Variants in RPA1 observed in about 807,000 individuals in gnomAD.
RPA1 encodes the protein replication protein A1.
Under a neutral mutation model 83.0 loss-of-function variants are expected in RPA1, and 49 were observed. That is an observed-to-expected ratio of 0.59 (90% CI 0.47 to 0.75). RPA1 has a LOEUF of 0.75. Among genes scored for constraint, RPA1 ranks in the 30% least tolerant of loss-of-function variants. The pLI is 0.00. For synonymous variants in RPA1, 279 were observed against 281.8 expected (o/e 0.99, Z 0.10); for missense variants, 693 against 776.1 (o/e 0.89, Z 1.27).
chr17:1,844,263 C>T (rs1000659911), intron 3 of RPA1, among the ~76,000 whole-genome samples: 20 of 152,096 alleles, frequency 1.3e-4, no homozygotes, highest in Admixed American at 2.6e-4. Context: ...ATATTGACAT[C>T]GACTGAGTGC....
At chr17:1,838,894 A>G (rs1911931022) in intron 1 of RPA1, among the ~76,000 whole-genome samples, 1 of 152,146 alleles carries the variant, frequency 6.6e-6, no homozygotes, top group Non-Finnish European at 1.5e-5. Context: ...TCTGTCACCC[A>G]GGCTGGAGTG....
intron 16 of RPA1, among the ~76,000 whole-genome samples, chr17:1,896,806 A>G (rs1047766217): frequency 2.6e-5 from 4 of 152,216 alleles, no homozygotes; most frequent in African/African-American, 9.6e-5. Context: ...GAAACCCTCT[A>G]AAGTCCATCT....
At chr17:1,849,705 T>C (rs1912409049) in intron 4 of RPA1, among the ~76,000 whole-genome samples, 1 of 152,080 alleles carries the variant, frequency 6.6e-6, no homozygotes, top group Non-Finnish European at 1.5e-5. Context: ...CTGATTTTCA[T>C]GGAAATGCTT....
intron 14 of RPA1, among the ~76,000 whole-genome samples, chr17:1,890,458 C>T (rs567248879): frequency 3.3e-5 from 5 of 152,140 alleles, no homozygotes; most frequent in South Asian, 4.1e-4. Flanking sequence ...GTCAGGAGAT[C>T]GAGATCATCT....
At chr17:1,890,742 A>G (rs1465754356) in intron 14 of RPA1, among the ~76,000 whole-genome samples, 2 of 152,240 alleles carry the variant, frequency 1.3e-5, no homozygotes, top group Non-Finnish European at 2.9e-5. Context: ...GTTTAGGCTC[A>G]TTTTTTGTAA....
chr17:1,855,256 G>A (rs989775963), intron 5 of RPA1, among the ~76,000 whole-genome samples: 2 of 151,966 alleles, frequency 1.3e-5, no homozygotes, highest in African/African-American at 4.8e-5. Context: ...TCCGCCTCCC[G>A]GGTTCAAGTG....
intron 7 of RPA1, among the ~76,000 whole-genome samples, chr17:1,876,283 G>A (rs918710988): frequency 3.3e-5 from 5 of 152,254 alleles, no homozygotes; most frequent in Admixed American, 6.5e-5. Flanking sequence ...AGCCGGGCGC[G>A]GTGGCTCATG....
chr17:1,869,162 G>A (rs12150345), intron 5 of RPA1, among the ~76,000 whole-genome samples: 55,171 of 152,030 alleles, frequency 0.36, 12,167 homozygotes, highest in Non-Finnish European at 0.52. Context: ...TTTTCTCTGC[G>A]ATGGCTCACT....
chr17:1,853,675 T>C (rs1290446975), intron 5 of RPA1, among the ~76,000 whole-genome samples: 1 of 152,046 alleles, frequency 6.6e-6, no homozygotes, highest in Admixed American at 6.6e-5. Context: ...AGAGTGAGAC[T>C]CTGTCTCAAA....
intron 5 of RPA1, among the ~76,000 whole-genome samples, chr17:1,855,778 G>A (rs145777442): frequency 2.6e-5 from 4 of 151,194 alleles, no homozygotes; most frequent in Non-Finnish European, 5.9e-5. Flanking sequence ...TTCTTCCTTA[G>A]ATGTTCAGTT....
At position 1,836,996 on chromosome 17, in the gene RPA1, C is replaced by T. The variant is rs1005345434; in HGVS notation, c.34-5807C>T. Among the ~76,000 whole-genome samples the T allele has an allele frequency of 3.3e-5, 5 of 151,950 alleles. No individual in the cohort carries two copies. In the South Asian group the frequency reaches 6.2e-4, roughly 19 times the overall value. On this transcript the variant is annotated intron_variant, in intron 1 of 16. Coordinates refer to ENST00000254719, the MANE Select transcript of RPA1 (RefSeq NM_002945.5). ...GGGATTACAGCCGCATGCCACCATC[C>T]CCAGCTAATTTTTGTATTTTTAGTA...
At chr17:1,831,848 C>T (rs1429423504) in intron 1 of RPA1, among the ~76,000 whole-genome samples, 1 of 151,296 alleles carries the variant, frequency 6.6e-6, no homozygotes, top group African/African-American at 2.4e-5. Flanking sequence ...ATTCGCCCGC[C>T]TCGGCCTCCC....
At chr17:1,875,514 C>A in intron 6 of RPA1, 147 bp from the exon 7 acceptor site, 1 of 835,466 alleles carries the variant, frequency 1.2e-6, no homozygotes. Flanking sequence ...CTGCGTATCT[C>A]TTGCATATAA....
Position 1,883,919 on chromosome 17 carries a change from C to T in RPA1, c.1349C>T (p.Ser450Phe), listed in dbSNP as rs370863765. The part of the protein sequence containing the change: ...TNWKTLYEVK[S>F]ENLGQGDKPD... ...TGGAAAACCTTGTATGAGGTCAAAT[C>T]CGAGAACCTGGGCCAAGGCGACAAG... The change falls in exon 13 of 17, where the codon TCC (serine) becomes TTC (phenylalanine). Residue 450 changes from serine (S) to phenylalanine (F), a missense_variant. Coordinates refer to ENST00000254719, the MANE Select transcript of RPA1 (RefSeq NM_002945.5). The T allele has an allele frequency of 8.7e-6, 14 of 1,613,926 alleles. No individual in the cohort carries two copies. The African/African-American group carries it at 1.7e-4, about 20-fold the overall frequency.
At chr17:1,887,541 G>A (rs1914038508) in intron 13 of RPA1, among the ~76,000 whole-genome samples, 1 of 149,370 alleles carries the variant, frequency 6.7e-6, no homozygotes, top group Non-Finnish European at 1.5e-5. Flanking sequence ...CCTGGTGACA[G>A]AGCGAGACTC....
chr17:1,842,928 G>C, intron 2 of RPA1, 75 bp downstream of exon 2: 1 of 1,491,138 alleles, frequency 6.7e-7, no homozygotes, highest in Non-Finnish European at 9.3e-7. Flanking sequence ...TTTGATGAAG[G>C]ACAGACAGAT....
At chr17:1,890,328 C>T (rs1236884041) in intron 14 of RPA1, among the ~76,000 whole-genome samples, 1 of 152,074 alleles carries the variant, frequency 6.6e-6, no homozygotes, top group African/African-American at 2.4e-5. Flanking sequence ...CGTGGCACTG[C>T]ACTCCAGCCT....
intron 7 of RPA1, among the ~76,000 whole-genome samples, chr17:1,876,787 T>C (rs1485706010): frequency 6.6e-6 from 1 of 152,198 alleles, no homozygotes; most frequent in East Asian, 1.9e-4. Flanking sequence ...TCCACCAACA[T>C]CGTGTATTCT....
chr17:1,880,549 AAAT>A lies in RPA1; in HGVS notation c.1100_1102del (p.Lys367_Phe368delinsIle). On this transcript the variant is annotated inframe_deletion, in exon 12 of 17. Transcript: ENST00000254719. ...TCTGGTGTTTCTTTTACAGGCTGAT[AAAT>A]TTGATGGTTCTAGACAGCCCGTGTT... 1 of 1,613,334 alleles carries A rather than the reference AAAT, an allele frequency of 6.2e-7. No homozygotes were observed. The highest frequency in any genetic ancestry group is 8.5e-7 in the Non-Finnish European group (1 of 1,179,458).
Sources: allele counts gnomAD v4.1 joint callset (sites outside exome capture counted in the v4.1 genomes callset), GRCh38; gene constraint gnomAD v4.1.1; transcripts MANE v1.5; gene names NCBI Gene and HGNC (gene_info 2026-07-23, HGNC 2026-07-21).